The following AGAP1 variants were observed in gnomAD, a reference collection of about 807,000 sequenced individuals.
AGAP1 encodes ArfGAP with GTPase domain, ankyrin repeat and PH domain 1, also known as arf-GAP with GTPase, ANK repeat and PH domain-containing protein 1.
AGAP1 carries 29 observed loss-of-function variants against 105.3 expected under a neutral mutation model. The ratio of observed to expected loss-of-function variants is 0.28; its 90% confidence interval spans 0.21 to 0.38. The LOEUF (loss-of-function observed/expected upper bound fraction) is 0.38. Ranked by LOEUF, AGAP1 falls within the 10% of genes least tolerant of loss-of-function variation. AGAP1 has a pLI of 1.00. For missense variants in AGAP1, 998 were observed against 1,165.1 expected, an observed-to-expected ratio of 0.86 and a Z score of 2.09; for synonymous variants, 509 against 485.9, an observed-to-expected ratio of 1.05 and a Z score of -0.63.
At chr2:235,565,596 A>C (rs1944321869) in intron 1 of AGAP1, among the ~76,000 whole-genome samples, 1 of 152,200 alleles carries the variant, frequency 6.6e-6, no homozygotes, top group African/African-American at 2.4e-5. Context: ...TGTGATGAAA[A>C]TACTCTTAAA....
At position 236,116,177 on chromosome 2, in the gene AGAP1, A is replaced by G. The variant is rs147055421; in HGVS notation, c.2115-4015A>G. Among the ~76,000 whole-genome samples the G allele has an allele frequency of 6.7e-3, 1,014 of 152,026 alleles. 11 individuals carry two copies. Among genetic ancestry groups the G allele is most frequent in the African/African-American group, 0.024 (977 of 41,442 alleles). On this transcript the variant is annotated intron_variant, in intron 16 of 17. Coordinates refer to ENST00000304032, the MANE Select transcript of AGAP1 (RefSeq NM_001037131.3). ...ACCCAGGCTGGAGTGCAATGGCGCA[A>G]TCTTGGCTCACTGCATCCTCCACCC... is the stretch of plus-strand genomic sequence containing the variant.
In AGAP1 at chr2:235,965,550, C is replaced by T. The variant is rs148463903; in HGVS notation, c.1484-2912C>T. ...TGCAGCGGTTTTGAGCAGACCTGACCGAGCTCTGTGACTTCAGCAAGTTAC... is the reference window on the plus strand; with the variant it reads ...TGCAGCGGTTTTGAGCAGACCTGACTGAGCTCTGTGACTTCAGCAAGTTAC... On this transcript the variant is annotated intron_variant, in intron 12 of 17. Coordinates refer to ENST00000304032, the MANE Select transcript of AGAP1 (RefSeq NM_001037131.3). This position sits in a 1 kb window ranked among gnomAD's most constrained non-coding sequence, Gnocchi z 5.8. 6.6e-6 allele frequency among the ~76,000 whole-genome samples: 1 copy of T among 152,220 alleles called. No homozygotes were observed. Among genetic ancestry groups the T allele is most frequent in the East Asian group, 1.9e-4 (1 of 5,160 alleles).
rs2051216368 is a variant in AGAP1 at position 235,904,639 on chromosome 2, A to G, written c.1156-4099A>G. The stretch of plus-strand genomic sequence containing the variant: ...TATCAAAATCAAGCTTCCTGTCTTA[A>G]TTTTACCGAGGTCCCTAACTCAGAC... On this transcript the variant is annotated intron_variant, in intron 10 of 17. Transcript: ENST00000304032. This position sits in a 1 kb window ranked among gnomAD's most constrained non-coding sequence, Gnocchi z 4.2. Among the ~76,000 whole-genome samples, 1 of 152,156 alleles carries G rather than the reference A, an allele frequency of 6.6e-6. No individual in the cohort carries two copies. The highest frequency in any genetic ancestry group is 2.4e-5 in the African/African-American group (1 of 41,434).
At chr2:235,819,098 A>T (rs1958629340) in intron 9 of AGAP1, among the ~76,000 whole-genome samples, 4 of 148,266 alleles carry the variant, frequency 2.7e-5, no homozygotes, top group East Asian at 2.0e-4. Context: ...GGGAAATTGT[A>T]TTTCTTTTCT....
chr2:235,722,325 G>T (rs774403875), intron 3 of AGAP1, among the ~76,000 whole-genome samples: 3 of 152,248 alleles, frequency 2.0e-5, no homozygotes, highest in Non-Finnish European at 4.4e-5. Flanking sequence ...GGTTGAATCT[G>T]TTGCATGTCT....
In AGAP1 at chr2:235,611,958, C is replaced by T. The variant is rs867371136; in HGVS notation, c.164-97221C>T. The stretch of plus-strand genomic sequence containing the variant: ...AGGGTTGAGACCACATCCTAGGTGG[C>T]GGTCACAAACCCGGCCCAGCGGCCT... On this transcript the variant is annotated intron_variant, in intron 1 of 17. Transcript: ENST00000304032. This position sits in a 1 kb window ranked among gnomAD's most constrained non-coding sequence, Gnocchi z 5.0. 9.9e-5 allele frequency among the ~76,000 whole-genome samples: 15 copies of T among 152,256 alleles called. No individual in the cohort carries two copies. The highest frequency in any genetic ancestry group is 2.1e-4 in the South Asian group (1 of 4,822).
chr2:235,684,287 A>G (rs1189661342), intron 1 of AGAP1, among the ~76,000 whole-genome samples: 55 of 151,842 alleles, frequency 3.6e-4, no homozygotes, highest in East Asian at 5.9e-4. Context: ...CTCATGATCC[A>G]CCCGCCTCGG....
In AGAP1 at chr2:236,126,194, TGAC is replaced by T. The variant is rs1259258966; in HGVS notation, c.*2076_*2078del. The T allele has an allele frequency of 1.3e-5, 2 of 152,232 alleles. No homozygotes were observed. Among genetic ancestry groups the T allele is most frequent in the Non-Finnish European group, 2.9e-5 (2 of 68,038 alleles). The allele number at this position is 152,232 out of a possible 1,614,324, so 9.4% of individuals were successfully genotyped here. ...GCAGAAGCCACAAGTCTGAGAACCT[TGAC>T]GACAGTTCCATCGTCCTGCCATTTG... On this transcript the variant is annotated 3_prime_UTR_variant, in exon 18 of 18. Transcript: ENST00000304032.
At chr2:235,648,642 G>A (rs1284839147) in intron 1 of AGAP1, among the ~76,000 whole-genome samples, 1 of 150,476 alleles carries the variant, frequency 6.6e-6, no homozygotes, top group African/African-American at 2.4e-5. Context: ...GGGAAGCCGA[G>A]GCAGGCAGAT....
Position 235,610,428 on chromosome 2 carries a change from ACT to A in AGAP1, c.164-98748_164-98747del, listed in dbSNP as rs1198261168. The stretch of plus-strand genomic sequence containing the variant: ...AAGATCAGGGTGCTGGCATGGTTGG[ACT>A]CTGGAGAGACTCTTGTCCTGACTTC... On this transcript the variant is annotated intron_variant, in intron 1 of 17. Transcript: ENST00000304032. This position sits in a 1 kb window ranked among gnomAD's most constrained non-coding sequence, Gnocchi z 4.9. Among the ~76,000 whole-genome samples the A allele has an allele frequency of 1.3e-5, 2 of 151,764 alleles. No individual in the cohort carries two copies. Among genetic ancestry groups the A allele is most frequent in the African/African-American group, 4.8e-5 (2 of 41,308 alleles).
rs115073252 is a variant in AGAP1, at chr2:236,003,441, A to C, written c.1646-33120A>C. On this transcript the variant is annotated intron_variant, in intron 13 of 17. Coordinates refer to ENST00000304032, the MANE Select transcript of AGAP1 (RefSeq NM_001037131.3). The surrounding 1 kb of genome is among the most constrained non-coding windows in gnomAD (Gnocchi z 4.2). ...GCCCACACCAAGGCACCAAGATTTT[A>C]CCCACCTCTGTGTGTGGTCGCACGT... 0.011 allele frequency among the ~76,000 whole-genome samples: 1,667 copies of C among 152,150 alleles called. 24 individuals are homozygous for C. The highest frequency in any genetic ancestry group is 0.037 in the African/African-American group (1,532 of 41,496).
rs1357369772 is a variant in AGAP1, at chr2:235,891,379, G to C, written c.1155+7930G>C. On this transcript the variant is annotated intron_variant, in intron 10 of 17. Coordinates refer to ENST00000304032, the MANE Select transcript of AGAP1 (RefSeq NM_001037131.3). This position sits in a 1 kb window ranked among gnomAD's most constrained non-coding sequence, Gnocchi z 4.2. ...AGCCCTAACTGCTTAACTTTCTTGG[G>C]GGAAATATATATGAGTGTCTCATGG... 2.0e-5 allele frequency among the ~76,000 whole-genome samples: 3 copies of C among 152,106 alleles called. No homozygotes were observed. Among genetic ancestry groups the C allele is most frequent in the African/African-American group, 7.2e-5 (3 of 41,404 alleles).
Position 235,874,802 on chromosome 2 carries a change from AGTGTGT to A in AGAP1, c.1051-8537_1051-8532del, listed in dbSNP as rs1559593314. ...TTACTCCTAGAACCAAGATACCATG[AGTGTGT>A]GTGTGCATGTGTGTGTGCGTGTGCT... is the stretch of plus-strand genomic sequence containing the variant. On this transcript the variant is annotated intron_variant, in intron 9 of 17. Transcript: ENST00000304032. This position sits in a 1 kb window ranked among gnomAD's most constrained non-coding sequence, Gnocchi z 4.5. 6.6e-6 allele frequency among the ~76,000 whole-genome samples: 1 copy of A among 152,086 alleles called. No homozygotes were observed. The highest frequency in any genetic ancestry group is 2.1e-4 in the South Asian group (1 of 4,818).
rs555349602 is a variant in AGAP1 at position 235,961,032 on chromosome 2, C to T, written c.1484-7430C>T. On this transcript the variant is annotated intron_variant, in intron 12 of 17. Transcript: ENST00000304032. This position sits in a 1 kb window ranked among gnomAD's most constrained non-coding sequence, Gnocchi z 5.9. ...TTAGTTCTTTCATAAAACTTTATTA[C>T]GTATCGAACCCCATTACTCATCCTG... 1.3e-5 allele frequency among the ~76,000 whole-genome samples: 2 copies of T among 152,340 alleles called. No individual in the cohort carries two copies. Among genetic ancestry groups the T allele is most frequent in the South Asian group, 2.1e-4 (1 of 4,824 alleles).
At chr2:235,587,883 C>T (rs531221308) in intron 1 of AGAP1, among the ~76,000 whole-genome samples, 26 of 152,232 alleles carry the variant, frequency 1.7e-4, no homozygotes, top group Non-Finnish European at 3.1e-4. Flanking sequence ...CACGCCTGCC[C>T]GGTCCCTGCA....
intron 1 of AGAP1, among the ~76,000 whole-genome samples, chr2:235,533,978 G>A (rs943278911): frequency 2.6e-5 from 4 of 152,240 alleles, no homozygotes; most frequent in African/African-American, 9.6e-5. Flanking sequence ...CTCCAGGGAG[G>A]GAGTGGGCTT....
At chr2:236,112,599 T>G (rs184307993) in intron 16 of AGAP1, among the ~76,000 whole-genome samples, 1 of 152,312 alleles carries the variant, frequency 6.6e-6, no homozygotes, top group African/African-American at 2.4e-5. Flanking sequence ...AGCACCTGCT[T>G]TCTGTTCACA....
intron 1 of AGAP1, among the ~76,000 whole-genome samples, chr2:235,624,682 A>G: frequency 6.6e-6 from 1 of 152,166 alleles, no homozygotes; most frequent in Middle Eastern, 3.2e-3. Context: ...ACAGCCCCTC[A>G]GATCATTGCA....
In AGAP1 at chr2:236,061,389, A is replaced by G. The variant is rs1400858900; in HGVS notation, c.2114+12108A>G. Among the ~76,000 whole-genome samples, 1 of 152,204 alleles carries G rather than the reference A, an allele frequency of 6.6e-6. No individual in the cohort carries two copies. Among genetic ancestry groups the G allele is most frequent in the African/African-American group, 2.4e-5 (1 of 41,452 alleles). On this transcript the variant is annotated intron_variant, in intron 16 of 17. Coordinates refer to ENST00000304032, the MANE Select transcript of AGAP1 (RefSeq NM_001037131.3). The surrounding 1 kb of genome is among the most constrained non-coding windows in gnomAD (Gnocchi z 4.1). Reference sequence around the variant, plus strand: ...AAATGAAAACACTTGTCCACACAAAAATGTACACCTGAGTGTTCACAGCAA... The same window carrying G: ...AAATGAAAACACTTGTCCACACAAAGATGTACACCTGAGTGTTCACAGCAA...
Sources: allele counts gnomAD v4.1 joint callset (sites outside exome capture counted in the v4.1 genomes callset), GRCh38; gene constraint gnomAD v4.1.1; non-coding constraint Gnocchi (gnomAD v3.1); transcripts MANE v1.5; gene names NCBI Gene and HGNC (gene_info 2026-07-23, HGNC 2026-07-21).